Variants in ARAP1 observed in about 807,000 individuals in gnomAD.
ARAP1 encodes arf-GAP with Rho-GAP domain, ANK repeat and PH domain-containing protein 1.
A neutral mutation model predicts 172.2 loss-of-function variants in ARAP1; 76 were observed. That is an observed-to-expected ratio of 0.44 (90% CI 0.37 to 0.53). The LOEUF is 0.53. Among genes scored for constraint, ARAP1 ranks in the 20% least tolerant of loss-of-function variants. The pLI is 0.00. For synonymous variants in ARAP1, 804 were observed against 803.3 expected, an observed-to-expected ratio of 1.00 and a Z score of -0.01; for missense variants, 1,686 against 1,977.5, an observed-to-expected ratio of 0.85 and a Z score of 2.80.
chr11:72,751,924 T>G (rs1424519852), intron 1 of ARAP1, among the ~76,000 whole-genome samples: 1 of 152,120 alleles, frequency 6.6e-6, no homozygotes, highest in Non-Finnish European at 1.5e-5. Context: ...AGACCGGAAG[T>G]AGCCTGCCCA....
Position 72,707,387 on chromosome 11 carries a change from G to A in ARAP1, c.1524-13C>T, listed in dbSNP as rs1373972552. ...GTCAGCAGAGAAGCTGGGGACATAG[G>A]GGTGGGGAGATTAGTGGGGATGGAC... On this transcript the variant is annotated splice_polypyrimidine_tract_variant and intron_variant, in intron 11 of 34. Transcript: ENST00000393609. The A allele has an allele frequency of 1.2e-6, 2 of 1,605,606 alleles. No homozygotes were observed. The highest frequency in any genetic ancestry group is 1.7e-6 in the Non-Finnish European group (2 of 1,174,972).
chr11:72,710,513 C>T lies in ARAP1; in HGVS notation c.1288G>A (p.Ala430Thr), dbSNP rs770678426. 12 of 1,613,812 alleles carry T rather than the reference C, an allele frequency of 7.4e-6. No homozygotes were observed. Among genetic ancestry groups the T allele is most frequent in the Admixed American group, 3.3e-5 (2 of 59,998 alleles). The change falls in exon 10 of 35, where the codon GCT becomes ACT. Residue 430 changes from alanine to threonine, a missense_variant. Ala to Thr is a moderately conservative substitution (Grantham distance 58). This residue lies in a region of ARAP1 where 688 missense variants were observed against 856.9 expected (regional missense o/e 0.80). Coordinates refer to ENST00000393609, the MANE Select transcript of ARAP1 (RefSeq NM_001040118.3). This position sits in a 1 kb window ranked among gnomAD's most constrained non-coding sequence, Gnocchi z 4.3. Reference protein sequence around the residue: ...EQRARARLSSAYLLGVPGSEQ... With the variant: ...EQRARARLSSTYLLGVPGSEQ... ...GAGCCTGGAACTCCCAGCAGATAAG[C>T]GCTAGAGAGCCGGGCCCGGGCACGC...
chr11:72,743,546 C>T (rs1858267833), intron 1 of ARAP1, among the ~76,000 whole-genome samples: 1 of 152,172 alleles, frequency 6.6e-6, no homozygotes, highest in African/African-American at 2.4e-5. Context: ...AGGCTTGGGA[C>T]AGGGGCTGCC....
chr11:72,738,162 G>T (rs975512688), intron 1 of ARAP1, among the ~76,000 whole-genome samples: 11 of 152,338 alleles, frequency 7.2e-5, no homozygotes, highest in Admixed American at 6.5e-4. Flanking sequence ...AGGGGACTGG[G>T]TGTGCAAAGC....
chr11:72,703,998 A>T, intron 14 of ARAP1, 154 bp downstream of exon 14: 1 of 1,030,324 alleles, frequency 9.7e-7, no homozygotes, highest in Non-Finnish European at 1.4e-6. Context: ...CACATGGCTT[A>T]GGCAGGGCCC....
chr11:72,685,856 AG>A, intron 34 of ARAP1, 175 bp from the exon 35 acceptor site: 1 of 1,351,428 alleles, frequency 7.4e-7, no homozygotes, highest in Non-Finnish European at 1.0e-6. Context: ...TTCCAGGGCC[AG>A]GCAGAAGGGG....
At chr11:72,749,286 A>G (rs969391175) in intron 1 of ARAP1, among the ~76,000 whole-genome samples, 1 of 152,194 alleles carries the variant, frequency 6.6e-6, no homozygotes, top group African/African-American at 2.4e-5. Context: ...CACCCTCCCA[A>G]TGTATTCTTA....
intron 1 of ARAP1, among the ~76,000 whole-genome samples, chr11:72,747,573 G>T (rs1480558805): frequency 1.3e-5 from 2 of 152,194 alleles, no homozygotes; most frequent in African/African-American, 2.4e-5. Flanking sequence ...TAGAATGCAG[G>T]CCTCAGAGCG....
intron 29 of ARAP1, 70 bp from the exon 30 acceptor site, chr11:72,692,855 G>A: frequency 6.3e-7 from 1 of 1,592,438 alleles, no homozygotes; most frequent in Admixed American, 1.7e-5. Context: ...GTGCAGTGAT[G>A]TGTGGGGTTG....
chr11:72,728,316 C>T (rs1052189569), intron 2 of ARAP1, among the ~76,000 whole-genome samples: 1 of 152,194 alleles, frequency 6.6e-6, no homozygotes, highest in Admixed American at 6.5e-5. Flanking sequence ...ACTGGCCGGG[C>T]ACAACTATAA....
Position 72,695,290 on chromosome 11 carries a change from C to G in ARAP1, c.3576+97G>C. 1 of 1,538,088 alleles carries G rather than the reference C, an allele frequency of 6.5e-7. No individual in the cohort carries two copies. The highest frequency in any genetic ancestry group is 1.7e-5 in the Admixed American group (1 of 58,988). On this transcript the variant is annotated intron_variant, in intron 26 of 34. Coordinates refer to ENST00000393609, the MANE Select transcript of ARAP1 (RefSeq NM_001040118.3). This position sits in a 1 kb window ranked among gnomAD's most constrained non-coding sequence, Gnocchi z 4.4. ...CAGATACAGGTCCCAAACTGGTCCT[C>G]TCCTCGGGGTAGAAGCACTGCTCCC...
Position 72,741,626 on chromosome 11 carries a change from G to A in ARAP1, c.-127-9029C>T, listed in dbSNP as rs953521078. Among the ~76,000 whole-genome samples, 4 of 152,192 alleles carry A rather than the reference G, an allele frequency of 2.6e-5. No homozygotes were observed. The highest frequency in any genetic ancestry group is 6.5e-5 in the Admixed American group (1 of 15,284). ...CTGCCCCCAGCGGGAGCAGGAGGGG[G>A]ACTCCGAACACCATAAATGAGGCAG... On this transcript the variant is annotated intron_variant, in intron 1 of 34. Coordinates refer to ENST00000393609, the MANE Select transcript of ARAP1 (RefSeq NM_001040118.3). The surrounding 1 kb of genome is among the most constrained non-coding windows in gnomAD (Gnocchi z 4.5).
chr11:72,712,792 A>G (rs1436668442), intron 5 of ARAP1: 1 of 662,904 alleles, frequency 1.5e-6, no homozygotes, highest in Non-Finnish European at 2.6e-6. Flanking sequence ...GACACAGACA[A>G]AAACAGAAAG....
At chr11:72,722,014 C>T (rs916300994) in intron 3 of ARAP1, 11 of 985,750 alleles carry the variant, frequency 1.1e-5, no homozygotes, top group East Asian at 2.3e-4. Flanking sequence ...TCTGAGGCTG[C>T]GTTCTCTTGG....
At chr11:72,736,238 C>CTT (rs1858019402) in intron 1 of ARAP1, among the ~76,000 whole-genome samples, 2 of 135,142 alleles carry the variant, frequency 1.5e-5, no homozygotes, top group African/African-American at 5.7e-5. Context: ...ATTTTAGTTA[C>CTT]CTTTTTTTTT....
At chr11:72,712,661 C>T (rs553731115) in intron 5 of ARAP1, 93 bp from the exon 6 acceptor site, 25 of 1,589,058 alleles carry the variant, frequency 1.6e-5, no homozygotes, top group South Asian at 8.8e-5. Context: ...CACACAGCCC[C>T]GACCCACACA....
intron 30 of ARAP1, among the ~76,000 whole-genome samples, chr11:72,689,273 T>A (rs1420882802): frequency 6.6e-6 from 1 of 152,122 alleles, no homozygotes. Context: ...GCAGGCTGGC[T>A]CGGAGGCAGA....
At chr11:72,722,755 G>GTAT (rs1857567937) in intron 3 of ARAP1, among the ~76,000 whole-genome samples, 1 of 152,212 alleles carries the variant, frequency 6.6e-6, no homozygotes, top group Non-Finnish European at 1.5e-5. Context: ...ATCAGAGGGG[G>GTAT]ACACCAAAGG....
rs367984439 is a variant in ARAP1, at chr11:72,695,832, G to A, written c.3306C>T (p.Asn1102=). ...CAAACACAATTGCCAGGTTGTGCAC[G>A]TTCATCTGGTTCGTGTCTGAGAAGC... is the stretch of plus-strand genomic sequence containing the variant. ...VQCFSDTNQM[N]VHNLAIVFGP... Residue 1102 remains asparagine, a synonymous_variant, in exon 24 of 35, where the codon AAC becomes AAT. Transcript: ENST00000393609. This position sits in a 1 kb window ranked among gnomAD's most constrained non-coding sequence, Gnocchi z 4.4. 1.8e-5 allele frequency: 29 copies of A among 1,613,824 alleles called. No homozygotes were observed. The South Asian group carries it at 1.9e-4, about 10-fold the overall frequency.
Sources: gnomAD v4.1 joint callset for allele counts (sites outside exome capture counted in the v4.1 genomes callset) on GRCh38, gnomAD v4.1.1 for gene constraint, gnomAD v4.1.1 regional missense constraint, Gnocchi (gnomAD v3.1) non-coding constraint, MANE v1.5 for transcripts, NCBI Gene and HGNC (gene_info 2026-07-23, HGNC 2026-07-21) for gene names.